NSMCE2: variants seen among roughly 807,000 people sequenced by gnomAD.
NSMCE2 encodes E3 SUMO-protein ligase NSE2.
In NSMCE2, 24 loss-of-function variants were observed where a neutral mutation model predicts 23.8. That is an observed-to-expected ratio of 1.01 (90% CI 0.73 to 1.42). The LOEUF is 1.42. NSMCE2 is among the 40% of genes most tolerant of loss of function. The pLI is 0.00. For synonymous variants in NSMCE2, 92 were observed against 94.1 expected (o/e 0.98, Z 0.13); for missense variants, 284 against 296.5 (o/e 0.96, Z 0.31).
chr8:125,168,267 T>C (rs1193230832), intron 4 of NSMCE2, among the ~76,000 whole-genome samples: 1 of 152,204 alleles, frequency 6.6e-6, no homozygotes, highest in Non-Finnish European at 1.5e-5. Flanking sequence ...TAGATTCCAT[T>C]GACAAGCTCT....
At chr8:125,354,057 G>A (rs191547667) in intron 5 of NSMCE2, among the ~76,000 whole-genome samples, 2,215 of 151,020 alleles carry the variant, frequency 0.015, 44 homozygotes, top group African/African-American at 0.05. Flanking sequence ...TCAGCTTCCT[G>A]AGTAGCTCAG....
chr8:125,196,125 C>T (rs1036884717), intron 5 of NSMCE2, among the ~76,000 whole-genome samples: 1 of 151,612 alleles, frequency 6.6e-6, no homozygotes, highest in Non-Finnish European at 1.5e-5. Context: ...CTTATGTGAT[C>T]CTCCTGCCTT....
Position 125,273,345 on chromosome 8 carries a change from A to G in NSMCE2, c.419-83874A>G, listed in dbSNP as rs574133444. 5.0e-4 allele frequency among the ~76,000 whole-genome samples: 76 copies of G among 152,348 alleles called. 2 individuals are homozygous for G. In the South Asian group the frequency reaches 0.014, roughly 29 times the overall value. ...ATAGTCATGTTACAGTAAACTTTTT[A>G]TATTTGTTGCATCACAAAGATTTAT... On this transcript the variant is annotated intron_variant, in intron 5 of 7. Transcript: ENST00000287437.
intron 3 of NSMCE2, among the ~76,000 whole-genome samples, chr8:125,133,710 A>G (rs1819894524): frequency 6.6e-6 from 1 of 152,032 alleles, no homozygotes; most frequent in Admixed American, 6.6e-5. Flanking sequence ...CGACTGGGCA[A>G]CAGAGCGAGA....
At chr8:125,110,367 C>T (rs1818670899) in intron 3 of NSMCE2, among the ~76,000 whole-genome samples, 1 of 152,160 alleles carries the variant, frequency 6.6e-6, no homozygotes, top group Admixed American at 6.5e-5. Flanking sequence ...AGCTATAGGG[C>T]AGAAAGATTA....
chr8:125,366,383 A>G (rs770428476), intron 7 of NSMCE2, among the ~76,000 whole-genome samples: 4 of 152,114 alleles, frequency 2.6e-5, no homozygotes, highest in Non-Finnish European at 4.4e-5. Context: ...TATTAAAAAT[A>G]CCAAAAATTA....
intron 1 of NSMCE2, among the ~76,000 whole-genome samples, 184 bp downstream of exon 1, chr8:125,092,142 T>C (rs987401612): frequency 3.3e-5 from 5 of 152,214 alleles, no homozygotes; most frequent in African/African-American, 1.2e-4. Flanking sequence ...CTCTCCATCC[T>C]TTCGCCTCAA....
chr8:125,221,132 AATTAGCTCAAC>A (rs1258466210), intron 5 of NSMCE2, among the ~76,000 whole-genome samples: 1 of 152,224 alleles, frequency 6.6e-6, no homozygotes, highest in Non-Finnish European at 1.5e-5. Flanking sequence ...ATGGCTTGAA[AATTAGCTCAAC>A]AAAGTTTAAA....
At chr8:125,166,513 C>T (rs753476166) in intron 4 of NSMCE2, among the ~76,000 whole-genome samples, 4 of 152,198 alleles carry the variant, frequency 2.6e-5, no homozygotes, top group South Asian at 2.1e-4. Flanking sequence ...GCGATCTCCC[C>T]GCTTTGGCCT....
chr8:125,256,775 A>T (rs183667422), intron 5 of NSMCE2, among the ~76,000 whole-genome samples: 1 of 151,792 alleles, frequency 6.6e-6, no homozygotes, highest in East Asian at 1.9e-4. Context: ...AATACAAAAA[A>T]TCAGCTGGGC....
intron 5 of NSMCE2, among the ~76,000 whole-genome samples, chr8:125,351,127 A>T (rs954315782): frequency 6.6e-6 from 1 of 152,160 alleles, no homozygotes; most frequent in Non-Finnish European, 1.5e-5. Context: ...AACTCGGTGG[A>T]TGCTGACTGA....
chr8:125,155,209 C>A (rs1821246998), intron 4 of NSMCE2, among the ~76,000 whole-genome samples: 1 of 152,136 alleles, frequency 6.6e-6, no homozygotes, highest in African/African-American at 2.4e-5. Flanking sequence ...GTTAATAACC[C>A]AGGGGCAATA....
At chr8:125,175,889 C>T (rs1052650558) in intron 4 of NSMCE2, among the ~76,000 whole-genome samples, 2 of 152,118 alleles carry the variant, frequency 1.3e-5, no homozygotes, top group African/African-American at 2.4e-5. Flanking sequence ...GTAGTTTCAG[C>T]GTGGATGAGG....
At chr8:125,110,597 A>C (rs973409272) in intron 3 of NSMCE2, among the ~76,000 whole-genome samples, 5 of 152,154 alleles carry the variant, frequency 3.3e-5, no homozygotes, top group African/African-American at 1.2e-4. Context: ...TTAAGGTCAC[A>C]AAGTTAGTAA....
chr8:125,354,314 T>C (rs1813163076), intron 5 of NSMCE2, among the ~76,000 whole-genome samples: 1 of 152,196 alleles, frequency 6.6e-6, no homozygotes, highest in Non-Finnish European at 1.5e-5. Flanking sequence ...TAATTTGTAA[T>C]TGACTATTAG....
intron 4 of NSMCE2, among the ~76,000 whole-genome samples, chr8:125,179,062 A>C (rs963503574): frequency 6.6e-6 from 1 of 152,122 alleles, no homozygotes; most frequent in Non-Finnish European, 1.5e-5. Context: ...GTGACAAACT[A>C]AATTTCTGTT....
chr8:125,100,428 A>C (rs905543144), intron 1 of NSMCE2, among the ~76,000 whole-genome samples: 1 of 152,120 alleles, frequency 6.6e-6, no homozygotes, highest in Non-Finnish European at 1.5e-5. Flanking sequence ...TGATCCAGTC[A>C]GGCAAAGTTG....
chr8:125,335,967 A>G (rs1830053644), intron 5 of NSMCE2, among the ~76,000 whole-genome samples: 1 of 152,216 alleles, frequency 6.6e-6, no homozygotes, highest in African/African-American at 2.4e-5. Context: ...GTACTAAGAC[A>G]CTGTAGCATG....
chr8:125,240,611 C>CT (rs1343773461), intron 5 of NSMCE2, among the ~76,000 whole-genome samples: 2 of 152,274 alleles, frequency 1.3e-5, no homozygotes, highest in East Asian at 3.9e-4. Flanking sequence ...TCCTGCAGCC[C>CT]TTTAACTCTT....
Sources: allele counts gnomAD v4.1 joint callset (sites outside exome capture counted in the v4.1 genomes callset), GRCh38; gene constraint gnomAD v4.1.1; transcripts MANE v1.5; gene names NCBI Gene and HGNC (gene_info 2026-07-23, HGNC 2026-07-21).